The following PIK3R5 variants were observed in gnomAD, a reference collection of about 807,000 sequenced individuals.
The protein encoded by PIK3R5 is phosphoinositide 3-kinase regulatory subunit 5.
In PIK3R5, 32 loss-of-function variants were observed where a neutral mutation model predicts 94.9. The observed-to-expected ratio is 0.34, with a 90% CI of 0.25 to 0.45. The LOEUF (loss-of-function observed/expected upper bound fraction) is 0.45. PIK3R5 is among the 20% of genes least tolerant of loss of function. The pLI is 1.00. For synonymous variants in PIK3R5, 443 were observed against 479.4 expected (o/e 0.92, Z 0.99); for missense variants, 853 against 1,144.6 (o/e 0.75, Z 3.68).
intron 5 of PIK3R5, among the ~76,000 whole-genome samples, chr17:8,894,838 A>G (rs993761287): frequency 2.2e-5 from 3 of 138,940 alleles, no homozygotes; most frequent in Non-Finnish European, 4.6e-5. Flanking sequence ...TGAGCTGGGA[A>G]CCTGCAGGAC....
intron 1 of PIK3R5, among the ~76,000 whole-genome samples, chr17:8,954,937 C>CAA (rs4065024): frequency 3.8e-4 from 38 of 101,082 alleles, no homozygotes; most frequent in African/African-American, 1.1e-3. Context: ...AACTCCGTCT[C>CAA]AAAAAAAAAA....
At chr17:8,924,731 T>C (rs967555396) in intron 1 of PIK3R5, among the ~76,000 whole-genome samples, 1 of 152,130 alleles carries the variant, frequency 6.6e-6, no homozygotes, top group Non-Finnish European at 1.5e-5. Context: ...TCCCCCTCCA[T>C]CCCATTCATG....
At position 8,925,399 on chromosome 17, in the gene PIK3R5, G is replaced by GAGATAGTAGATGGATAGGT. The variant is rs1448756327; in HGVS notation, c.-13-13911_-13-13893dup. On this transcript the variant is annotated intron_variant, in intron 1 of 18. Coordinates refer to ENST00000447110, the MANE Select transcript of PIK3R5 (RefSeq NM_001142633.3). This position sits in a 1 kb window ranked among gnomAD's most constrained non-coding sequence, Gnocchi z 5.1. ...GATAGATAGATAGATAGTAGATGGA[G>GAGATAGTAGATGGATAGGT]AGATAGTAGATGGATAGGTAGATAG... 5.3e-5 allele frequency among the ~76,000 whole-genome samples: 8 copies of GAGATAGTAGATGGATAGGT among 150,554 alleles called. No homozygotes were observed. The East Asian group carries it at 8.4e-4, about 16-fold the overall frequency.
At chr17:8,883,962 CCAA>C (rs771846750) in intron 15 of PIK3R5, among the ~76,000 whole-genome samples, 9 of 152,196 alleles carry the variant, frequency 5.9e-5, no homozygotes, top group Non-Finnish European at 1.3e-4. Flanking sequence ...CACTGCAGCC[CCAA>C]CACCACCGTC....
Position 8,888,552 on chromosome 17 carries a change from C to T in PIK3R5, c.1235G>A (p.Arg412Gln), listed in dbSNP as rs770045163. Reference sequence around the variant, plus strand: ...CTTCTGCCCAGGCCTGCGGTGGCCTCGGCGTTCCTGGCTGCCACGCCTCCA... The same window carrying T: ...CTTCTGCCCAGGCCTGCGGTGGCCTTGGCGTTCCTGGCTGCCACGCCTCCA... The part of the protein sequence containing the change: ...WPWRRGSQER[R>Q]GHRRPGQKFI... Residue 412 changes from arginine (R) to glutamine (Q), a missense_variant, in exon 10 of 19, where the codon CGA becomes CAA. By Grantham distance (43) the Arg-to-Gln change is conservative. Transcript: ENST00000447110. This position sits in a 1 kb window ranked among gnomAD's most constrained non-coding sequence, Gnocchi z 7.8. The T allele has an allele frequency of 1.1e-5, 17 of 1,611,750 alleles. No homozygotes were observed. Among genetic ancestry groups the T allele is most frequent in the East Asian group, 2.2e-5 (1 of 44,858 alleles).
intron 3 of PIK3R5, among the ~76,000 whole-genome samples, chr17:8,907,227 C>T (rs1215066480): frequency 6.6e-6 from 1 of 151,072 alleles, no homozygotes; most frequent in African/African-American, 2.4e-5. Flanking sequence ...GAGATGGGGT[C>T]TCACCATGTT....
At position 8,963,044 on chromosome 17, in the gene PIK3R5, G is replaced by A. The variant is rs542870765; in HGVS notation, c.-14+2552C>T. Among the ~76,000 whole-genome samples the A allele has an allele frequency of 1.2e-3, 181 of 152,318 alleles. 1 individual carries two copies. The highest frequency in any genetic ancestry group is 5.7e-4 in the Non-Finnish European group (39 of 68,026). ...ACTCTGTTGCCCAGGCTGGAATGCA[G>A]TGACACGATCATAGCTCACTGCAGC... On this transcript the variant is annotated intron_variant, in intron 1 of 18. Transcript: ENST00000447110.
intron 1 of PIK3R5, among the ~76,000 whole-genome samples, chr17:8,922,258 G>T (rs145532890): frequency 6.6e-6 from 1 of 152,206 alleles, no homozygotes; most frequent in African/African-American, 2.4e-5. Flanking sequence ...CTTTCACTTA[G>T]TTTGATAATC....
Position 8,893,826 on chromosome 17 carries a change from C to T in PIK3R5, c.413-171G>A, listed in dbSNP as rs2090084970. 1 of 574,914 alleles carries T rather than the reference C, an allele frequency of 1.7e-6. No homozygotes were observed. Among genetic ancestry groups the T allele is most frequent in the South Asian group, 2.0e-5 (1 of 49,476 alleles). The allele number at this position is 574,914 out of a possible 1,614,324, so 35.6% of individuals were successfully genotyped here. On this transcript the variant is annotated intron_variant, in intron 5 of 18. Coordinates refer to ENST00000447110, the MANE Select transcript of PIK3R5 (RefSeq NM_001142633.3). The surrounding 1 kb of genome is among the most constrained non-coding windows in gnomAD (Gnocchi z 5.1). Reference sequence around the variant, plus strand: ...ACCCTCCAGGGTGCCTAGCAGTTTGCTTCTATGCGTCCTTTTACACCTCAC... The same window carrying T: ...ACCCTCCAGGGTGCCTAGCAGTTTGTTTCTATGCGTCCTTTTACACCTCAC...
rs2091049821 is a variant in PIK3R5, at chr17:8,935,123, C to T, written c.-13-23616G>A. ...CTCCAGGCTTGGCTGGATGTCCACC[C>T]CCACCCTTTCAGCTCCCAGAGCATC... On this transcript the variant is annotated intron_variant, in intron 1 of 18. Transcript: ENST00000447110. The surrounding 1 kb of genome is among the most constrained non-coding windows in gnomAD (Gnocchi z 4.5). Among the ~76,000 whole-genome samples, 1 of 152,196 alleles carries T rather than the reference C, an allele frequency of 6.6e-6. No individual in the cohort carries two copies. Among genetic ancestry groups the T allele is most frequent in the Non-Finnish European group, 1.5e-5 (1 of 68,040 alleles).
At chr17:8,914,207 T>A (rs2090588124) in intron 1 of PIK3R5, among the ~76,000 whole-genome samples, 1 of 151,912 alleles carries the variant, frequency 6.6e-6, no homozygotes, top group African/African-American at 2.4e-5. Context: ...TGGAGGGAGC[T>A]CAGAGGCCTC....
intron 14 of PIK3R5, among the ~76,000 whole-genome samples, chr17:8,885,465 C>T (rs1442050448): frequency 1.5e-5 from 2 of 131,052 alleles, no homozygotes; most frequent in Admixed American, 7.3e-5. Context: ...CCTCCCATGG[C>T]CCCACCTCCT....
At chr17:8,941,460 CCT>C (rs1168773093) in intron 1 of PIK3R5, among the ~76,000 whole-genome samples, 1 of 152,150 alleles carries the variant, frequency 6.6e-6, no homozygotes, top group Non-Finnish European at 1.5e-5. Flanking sequence ...CTTAAAACAC[CCT>C]GATTCTGAGA....
At chr17:8,958,861 G>C (rs528781660) in intron 1 of PIK3R5, among the ~76,000 whole-genome samples, 1 of 150,952 alleles carries the variant, frequency 6.6e-6, no homozygotes, top group African/African-American at 2.4e-5. Flanking sequence ...GTGTTCAATC[G>C]ATTCTCTTGC....
In PIK3R5 at chr17:8,886,501, C is replaced by G. The variant is rs1414631114; in HGVS notation, c.2010G>C (p.Val670=). 1.2e-6 allele frequency: 2 copies of G among 1,608,908 alleles called. No homozygotes were observed. Among genetic ancestry groups the G allele is most frequent in the African/African-American group, 2.7e-5 (2 of 74,874 alleles). The change falls in exon 13 of 19, where the codon GTG becomes GTC. Residue 670 remains valine, a synonymous_variant. Coordinates refer to ENST00000447110, the MANE Select transcript of PIK3R5 (RefSeq NM_001142633.3). The part of the protein sequence containing the change: ...LYYCRFAARP[V]LLQVYQTELT... ...CCTCGGTCTGATAGACTTGCAGCAG[C>G]ACCGGTCTGGCGGCAAAGCGGCAGT...
At chr17:8,905,864 A>G (rs940661764) in intron 3 of PIK3R5, 127 bp from the exon 4 acceptor site, 7 of 466,880 alleles carry the variant, frequency 1.5e-5, no homozygotes, top group Non-Finnish European at 2.6e-5. Context: ...AAATAGTGCA[A>G]TCACATGACA....
At chr17:8,897,227 G>A (rs907581699) in intron 5 of PIK3R5, among the ~76,000 whole-genome samples, 1 of 152,202 alleles carries the variant, frequency 6.6e-6, no homozygotes, top group Admixed American at 6.5e-5. Flanking sequence ...CATAACAAGG[G>A]AGGCTCGGAA....
chr17:8,954,480 G>A (rs574246344), intron 1 of PIK3R5, among the ~76,000 whole-genome samples: 3 of 152,190 alleles, frequency 2.0e-5, no homozygotes, highest in Non-Finnish European at 4.4e-5. Context: ...AAGCCCCTCT[G>A]CCTTGTAAAC....
At position 8,887,206 on chromosome 17, in the gene PIK3R5, G is replaced by A; in HGVS notation, c.1795C>T (p.Pro599Ser). 1 of 1,613,876 alleles carries A rather than the reference G, an allele frequency of 6.2e-7. No homozygotes were observed. Residue 599 changes from proline (P) to serine (S), a missense_variant, in exon 12 of 19, where the codon CCA becomes TCA. Physicochemically the swap from Pro to Ser is moderately conservative, Grantham distance 74 (BLOSUM62 -1). This residue lies in a region of PIK3R5 where 173 missense variants were observed against 274.1 expected (regional missense o/e 0.63). Transcript: ENST00000447110. ...HASPGELGTT[P>S]WEESTNDISH... ...ATGTCATTGGTGCTCTCCTCCCATG[G>A]GGTGGTGCCCAGCTCCTAGGGCAAA... is the stretch of plus-strand genomic sequence containing the variant.
Sources: gnomAD v4.1 joint callset for allele counts (sites outside exome capture counted in the v4.1 genomes callset) on GRCh38, gnomAD v4.1.1 for gene constraint, gnomAD v4.1.1 regional missense constraint, Gnocchi (gnomAD v3.1) non-coding constraint, MANE v1.5 for transcripts, NCBI Gene and HGNC (gene_info 2026-07-23, HGNC 2026-07-21) for gene names.